Variants in DNAH8 observed in about 807,000 individuals in gnomAD.
DNAH8 encodes axonemal beta dynein heavy chain 8.
DNAH8 carries 382 observed loss-of-function variants against 562.1 expected under a neutral mutation model. That is an observed-to-expected ratio of 0.68 (90% confidence interval 0.63 to 0.74). The LOEUF is 0.74. Ranked by LOEUF, DNAH8 falls within the 30% of genes least tolerant of loss-of-function variation. The pLI, the probability that DNAH8 is intolerant of heterozygous loss-of-function variation, is 0.00. For synonymous variants in DNAH8, 1,881 were observed against 1,919.4 expected, an observed-to-expected ratio of 0.98 and a Z score of 0.52; for missense variants, 5,203 against 5,620.4, an observed-to-expected ratio of 0.93 and a Z score of 2.37.
chr6:38,986,469 A>G (rs1344608751), intron 87 of DNAH8, among the ~76,000 whole-genome samples: 1 of 152,198 alleles, frequency 6.6e-6, no homozygotes, highest in Non-Finnish European at 1.5e-5. Flanking sequence ...GTGAATGGAT[A>G]TCAGGGCAGA....
chr6:38,892,003 A>C (rs1423372748), intron 58 of DNAH8, among the ~76,000 whole-genome samples: 4 of 152,154 alleles, frequency 2.6e-5, no homozygotes, highest in South Asian at 2.1e-4. Context: ...CATTTGACCT[A>C]AATGATCCTT....
Position 38,909,653 on chromosome 6 carries a change from G to A in DNAH8, c.9649G>A (p.Val3217Ile), listed in dbSNP as rs1446556713. ...ASYFLSDYNI[V>I]CSSEIKRQVV... The stretch of plus-strand genomic sequence containing the variant: ...CTACTTCCTTTCAGACTATAATATT[G>A]TCTGCTCTAGTGAAATTAAAAGACA... Residue 3217 changes from valine to isoleucine, a missense_variant, in exon 65 of 93, where the codon GTC becomes ATC. Physicochemically the swap from Val to Ile is conservative, Grantham distance 29 (BLOSUM62 3). Coordinates refer to ENST00000327475, the MANE Select transcript of DNAH8 (RefSeq NM_001206927.2). 6.2e-7 allele frequency: 1 copy of A among 1,613,964 alleles called. No homozygotes were observed. Among genetic ancestry groups the A allele is most frequent in the East Asian group, 2.2e-5 (1 of 44,882 alleles).
chr6:38,999,209 C>T (rs1765325614), intron 88 of DNAH8, among the ~76,000 whole-genome samples: 2 of 152,094 alleles, frequency 1.3e-5, no homozygotes, highest in African/African-American at 4.8e-5. Flanking sequence ...TGGGATCTAG[C>T]AGCAGCAGCA....
At chr6:38,907,249 T>C (rs1039735826) in intron 63 of DNAH8, among the ~76,000 whole-genome samples, 5 of 152,192 alleles carry the variant, frequency 3.3e-5, no homozygotes, top group African/African-American at 1.2e-4. Context: ...CAGAACGTCC[T>C]CTCCATCCAG....
chr6:38,870,430 C>T lies in DNAH8; in HGVS notation c.6858C>T (p.Ser2286=), dbSNP rs764060787. 1 of 1,613,944 alleles carries T rather than the reference C, an allele frequency of 6.2e-7. No homozygotes were observed. Among genetic ancestry groups the T allele is most frequent in the East Asian group, 2.2e-5 (1 of 44,858 alleles). Residue 2286 remains serine, a synonymous_variant, in exon 49 of 93, where the codon AGC becomes AGT. Coordinates refer to ENST00000327475, the MANE Select transcript of DNAH8 (RefSeq NM_001206927.2). ...LVDEDEPLFL[S]LINDLFPGLQ... ...ATGAAGATGAACCCCTGTTCCTCAG[C>T]TTAATCAATGACCTGTTCCCAGGAC...
chr6:38,981,330 A>G (rs1764022702), intron 85 of DNAH8, among the ~76,000 whole-genome samples: 1 of 152,182 alleles, frequency 6.6e-6, no homozygotes, highest in Admixed American at 6.5e-5. Context: ...TCTTGGAGCT[A>G]TCAGGTCTAA....
rs117738394 is a variant in DNAH8 at position 38,754,060 on chromosome 6, C to A, written c.1408-1912C>A. On this transcript the variant is annotated intron_variant, in intron 9 of 92. Transcript: ENST00000327475. The stretch of plus-strand genomic sequence containing the variant: ...GGAAAAGTGCAGGGGATTCATGCTT[C>A]CATTTCTGGTTCATAAGTTTTATGT... Among the ~76,000 whole-genome samples the A allele has an allele frequency of 1.6e-3, 236 of 152,242 alleles. 6 individuals are homozygous for A. In the East Asian group the frequency reaches 0.036, roughly 23 times the overall value.
At chr6:38,808,885 A>G (rs1185454900) in intron 24 of DNAH8, among the ~76,000 whole-genome samples, 5 of 152,216 alleles carry the variant, frequency 3.3e-5, no homozygotes, top group Admixed American at 1.3e-4. Flanking sequence ...ATGGGAGTTA[A>G]ATAATGAGAA....
At position 38,854,621 on chromosome 6, in the gene DNAH8, T is replaced by C. The variant is rs1416048215; in HGVS notation, c.5733+1274T>C. 3.9e-5 allele frequency among the ~76,000 whole-genome samples: 6 copies of C among 152,290 alleles called. No homozygotes were observed. The East Asian group carries it at 9.6e-4, about 24-fold the overall frequency. On this transcript the variant is annotated intron_variant, in intron 41 of 92. Transcript: ENST00000327475. ...TTGTGATAAAGCTTATAAAATACTTTGTTAAATTGAGAAAAGAGTTCCTGA... is the reference window on the plus strand; with the variant it reads ...TTGTGATAAAGCTTATAAAATACTTCGTTAAATTGAGAAAAGAGTTCCTGA...
intron 60 of DNAH8, among the ~76,000 whole-genome samples, chr6:38,897,397 A>G (rs576768996): frequency 3.3e-5 from 5 of 152,330 alleles, no homozygotes; most frequent in Admixed American, 6.5e-5. Context: ...CCCTTTACAG[A>G]AAAAATTTAC....
rs779236650 is a variant in DNAH8 at position 38,915,337 on chromosome 6, C to T, written c.10100C>T (p.Ala3367Val). Reference protein sequence around the residue: ...EKVKAESKLEAAKPALEEAEA... With the variant: ...EKVKAESKLEVAKPALEEAEA... ...GTGAAAGCTGAAAGCAAGCTTGAGG[C>T]AGCTAAACCTGCACTGGAAGAAGCA... Residue 3367 changes from alanine (A) to valine (V), a missense_variant, in exon 68 of 93, where the codon GCA becomes GTA. Physicochemically the swap from Ala to Val is moderately conservative, Grantham distance 64. Coordinates refer to ENST00000327475, the MANE Select transcript of DNAH8 (RefSeq NM_001206927.2). 1.2e-6 allele frequency: 2 copies of T among 1,606,912 alleles called. No homozygotes were observed. The highest frequency in any genetic ancestry group is 3.4e-5 in the Admixed American group (2 of 58,224).
At chr6:38,931,699 C>A in intron 75 of DNAH8, 112 bp from the exon 76 acceptor site, 2 of 580,788 alleles carry the variant, frequency 3.4e-6, no homozygotes, top group Non-Finnish European at 5.8e-6. Context: ...ACTTTCCTTC[C>A]CAATTTATTG....
rs1776532895 is a variant in DNAH8, at chr6:38,860,491, A to C, written c.5993A>C (p.Glu1998Ala). ...CATATCAAATCACCTACTGACTTTG[A>C]ATGGCTAAAACAGAGTAGATTTTAT... ...KMHIKSPTDF[E>A]WLKQSRFYFK... Residue 1998 changes from glutamate (E) to alanine (A), a missense_variant, in exon 43 of 93, where the codon GAA (glutamate) becomes GCA (alanine). Physicochemically the swap from Glu to Ala is moderately radical, Grantham distance 107. This residue lies in a region of DNAH8 where 2,176 missense variants were observed against 2,365.1 expected (regional missense o/e 0.92). Transcript: ENST00000327475. 1.4e-6 allele frequency: 2 copies of C among 1,466,612 alleles called. No homozygotes were observed. The highest frequency in any genetic ancestry group is 2.7e-5 in the Admixed American group (1 of 37,520). The allele number at this position is 1,466,612 out of a possible 1,614,324, so 90.8% of individuals were successfully genotyped here.
At position 38,935,701 on chromosome 6, in the gene DNAH8, T is replaced by C. The variant is rs1782898807; in HGVS notation, c.11563+4T>C. ...TATAAATTAAGTGCTACAAAAGGTATTGTGTTATTAAGAAGTAATGAAATA... is the reference window on the plus strand; with the variant it reads ...TATAAATTAAGTGCTACAAAAGGTACTGTGTTATTAAGAAGTAATGAAATA... On this transcript the variant is annotated splice_donor_region_variant and intron_variant, in intron 77 of 92. Coordinates refer to ENST00000327475, the MANE Select transcript of DNAH8 (RefSeq NM_001206927.2). The C allele has an allele frequency of 6.3e-7, 1 of 1,582,956 alleles. No homozygotes were observed. Among genetic ancestry groups the C allele is most frequent in the Non-Finnish European group, 8.6e-7 (1 of 1,157,686 alleles).
In DNAH8 at chr6:38,734,532, A is replaced by G. The variant is rs1249365541; in HGVS notation, c.669A>G (p.Ile223Met). Residue 223 changes from isoleucine to methionine, a missense_variant, in exon 5 of 93, where the codon ATA (isoleucine) becomes ATG (methionine). Physicochemically the swap from Ile to Met is conservative, Grantham distance 10. Around this residue, in one of 6 missense-constraint regions of DNAH8, gnomAD observed 556 missense variants for 496.9 expected, o/e 1.12. Transcript: ENST00000327475. Reference sequence around the variant, plus strand: ...GGGCAAAAATGATGAAATTGTATATAGACAATGCAGCCCCGGATAAACTAA... The same window carrying G: ...GGGCAAAAATGATGAAATTGTATATGGACAATGCAGCCCCGGATAAACTAA... ...TKGAKMMKLY[I>M]DNAAPDKLKG... 5.6e-6 allele frequency: 9 copies of G among 1,614,036 alleles called. No homozygotes were observed. The highest frequency in any genetic ancestry group is 7.6e-6 in the Non-Finnish European group (9 of 1,180,000).
chr6:38,903,770 C>T (rs920249331), intron 62 of DNAH8, among the ~76,000 whole-genome samples: 13 of 151,976 alleles, frequency 8.6e-5, no homozygotes, highest in African/African-American at 2.9e-4. Flanking sequence ...CACCACCACG[C>T]CTGGCTCATT....
intron 77 of DNAH8, chr6:38,936,279 A>G (rs1032559045): frequency 1.3e-5 from 2 of 152,146 alleles, no homozygotes; most frequent in African/African-American, 2.4e-5. Flanking sequence ...TTGGGTACCA[A>G]AGGCCCAGCT....
chr6:38,768,724 A>G (rs1358525291), intron 11 of DNAH8, among the ~76,000 whole-genome samples: 1 of 152,190 alleles, frequency 6.6e-6, no homozygotes, highest in Non-Finnish European at 1.5e-5. Context: ...GTCTTACTAT[A>G]TAAGATGTCT....
intron 4 of DNAH8, among the ~76,000 whole-genome samples, chr6:38,731,992 A>G (rs1763693134): frequency 1.3e-5 from 2 of 152,224 alleles, no homozygotes. Context: ...CTGAGATTAT[A>G]GGTGTGAGCC....
Sources: gnomAD v4.1 joint callset for allele counts (sites outside exome capture counted in the v4.1 genomes callset) on GRCh38, gnomAD v4.1.1 for gene constraint, gnomAD v4.1.1 regional missense constraint, MANE v1.5 for transcripts, NCBI Gene and HGNC (gene_info 2026-07-23, HGNC 2026-07-21) for gene names.